The following SPAG8 variants were observed in gnomAD, a reference collection of about 807,000 sequenced individuals.
SPAG8 encodes the protein sperm associated antigen 8, also known as sperm-associated antigen 8.
In SPAG8, 36 loss-of-function variants were observed where a neutral mutation model predicts 45.3. The ratio of observed to expected loss-of-function variants is 0.80; its 90% CI spans 0.61 to 1.05. SPAG8 has a LOEUF of 1.05. Among genes scored for constraint, SPAG8 ranks in the 50% least tolerant of loss-of-function variants. The pLI is 0.00. For missense variants in SPAG8, 573 were observed against 609.2 expected, an observed-to-expected ratio of 0.94 and a Z score of 0.63; for synonymous variants, 227 against 232.6, an observed-to-expected ratio of 0.98 and a Z score of 0.22.
downstream of SPAG8, chr9:35,809,210 G>C (rs1485081591): frequency 6.2e-7 from 1 of 1,614,068 alleles, no homozygotes; most frequent in South Asian, 1.1e-5. This position sits in a 1 kb window ranked among gnomAD's most constrained non-coding sequence, Gnocchi z 4.1. Flanking sequence ...GAGCTAGGAT[G>C]CTTCCAGCTA....
Position 35,812,245 on chromosome 9 carries a change from G to T in SPAG8, c.-98C>A. ...GGCGGACTTGCAGGTGGCGGTGGAG[G>T]CAAGTCCTCTGCGGGGCGGAAGTCT... On this transcript the variant is annotated 5_prime_UTR_variant, in exon 1 of 7. Coordinates refer to ENST00000396638, the MANE Select transcript of SPAG8 (RefSeq NM_001039592.2). 7.3e-7 allele frequency: 1 copy of T among 1,378,420 alleles called. No individual in the cohort carries two copies. The highest frequency in any genetic ancestry group is 1.0e-6 in the Non-Finnish European group (1 of 996,124). The allele number at this position is 1,378,420 out of a possible 1,614,324, so 85.4% of individuals were successfully genotyped here. A position where few individuals can be genotyped will look rare whatever the true frequency, so the allele number is the denominator to read the frequency against.
At chr9:35,809,793 A>G, downstream of SPAG8, 1 of 1,556,528 alleles carries the variant, frequency 6.4e-7, no homozygotes, top group Non-Finnish European at 8.6e-7. The surrounding 1 kb of genome is among the most constrained non-coding windows in gnomAD (Gnocchi z 4.1). Context: ...TGACTCACAG[A>G]ATCACTAAAT....
chr9:35,810,321 G>A lies in SPAG8; in HGVS notation c.1201-12C>T. ...CGGTAGTCGTGAGGCTGTGAGGGAG[G>A]GTACTGAGTAACTCCTGGCCTTCAG... On this transcript the variant is annotated splice_polypyrimidine_tract_variant and intron_variant, in intron 5 of 6. Transcript: ENST00000396638. The A allele has an allele frequency of 6.2e-7, 1 of 1,614,044 alleles. No homozygotes were observed. The highest frequency in any genetic ancestry group is 8.5e-7 in the Non-Finnish European group (1 of 1,179,888).
Position 35,811,035 on chromosome 9 carries a change from T to G in SPAG8, c.887A>C (p.Gln296Pro). ...AGAGCCATCCTGCATGCTTGGGACT[T>G]GATCCAGGTGGTTGGTGGCTCTCTG... ...EEERATNHLD[Q>P]VPSMQDGSES... The change falls in exon 3 of 7, where the codon CAA becomes CCA. Residue 296 changes from glutamine (Q) to proline (P), a missense_variant. By Grantham distance (76) the Gln-to-Pro change is moderately conservative (BLOSUM62 -1). Coordinates refer to ENST00000396638, the MANE Select transcript of SPAG8 (RefSeq NM_001039592.2). 1.2e-6 allele frequency: 2 copies of G among 1,613,798 alleles called. No homozygotes were observed. The highest frequency in any genetic ancestry group is 2.2e-5 in the South Asian group (2 of 91,064).
Position 35,809,827 on chromosome 9 carries a change from AC to A in SPAG8, c.*110del. The A allele has an allele frequency of 6.5e-7, 1 of 1,540,030 alleles. No homozygotes were observed. Among genetic ancestry groups the A allele is most frequent in the South Asian group, 1.3e-5 (1 of 78,538 alleles). ...ATTAGCAGTCTTGGGATGAGAGAGA[AC>A]CCTTTATGTAAAGCCTCTTCAAGTA... On this transcript the variant is annotated 3_prime_UTR_variant, in exon 7 of 7. Transcript: ENST00000396638. The surrounding 1 kb of genome is among the most constrained non-coding windows in gnomAD (Gnocchi z 4.1).
chr9:35,809,268 G>A, downstream of SPAG8: 1 of 1,611,826 alleles, frequency 6.2e-7, no homozygotes. This position sits in a 1 kb window ranked among gnomAD's most constrained non-coding sequence, Gnocchi z 4.1. Flanking sequence ...GCCATGGGGA[G>A]GGGGGCATGG....
rs760022962 is a variant in SPAG8 at position 35,809,954 on chromosome 9, C to T, written c.1442G>A (p.Arg481Lys). Reference sequence around the variant, plus strand: ...CCTCACCCCTCAGAAAGGAGTCATTCTCCCCCCTCCACCACCCAGCCTTCC... The same window carrying T: ...CCTCACCCCTCAGAAAGGAGTCATTTTCCCCCCTCCACCACCCAGCCTTCC... ...PGGRLGGGGGRMTPF is the reference protein window; with the variant it reads ...PGGRLGGGGGKMTPF The change falls in exon 7 of 7, where the codon AGA becomes AAA. Residue 481 changes from arginine to lysine, a missense_variant. Coordinates refer to ENST00000396638, the MANE Select transcript of SPAG8 (RefSeq NM_001039592.2). The surrounding 1 kb of genome is among the most constrained non-coding windows in gnomAD (Gnocchi z 4.1). 2 of 1,580,808 alleles carry T rather than the reference C, an allele frequency of 1.3e-6. No homozygotes were observed. The highest frequency in any genetic ancestry group is 1.4e-5 in the African/African-American group (1 of 73,928).
downstream of SPAG8, chr9:35,808,860 C>G (rs1828579938): frequency 1.3e-6 from 2 of 1,510,228 alleles, no homozygotes; most frequent in Non-Finnish European, 1.8e-6. This position sits in a 1 kb window ranked among gnomAD's most constrained non-coding sequence, Gnocchi z 4.0. Flanking sequence ...CAAGGTAAGA[C>G]ATTAGCCCTC....
At chr9:35,808,007 A>T (rs1828502055), downstream of SPAG8, 1 of 622,120 alleles carries the variant, frequency 1.6e-6, no homozygotes, top group Non-Finnish European at 2.9e-6. This position sits in a 1 kb window ranked among gnomAD's most constrained non-coding sequence, Gnocchi z 4.0. Flanking sequence ...TTTATCCCTA[A>T]ATACTTAGTG....
chr9:35,810,349 C>T (rs367765733), intron 5 of SPAG8, 40 bp from the exon 6 acceptor site: 291 of 1,612,916 alleles, frequency 1.8e-4, no homozygotes, highest in Non-Finnish European at 2.2e-4. Flanking sequence ...GCCTTCAGCC[C>T]TCTCTCTCAA....
downstream of SPAG8, chr9:35,809,384 A>G: frequency 6.2e-7 from 1 of 1,614,176 alleles, no homozygotes; most frequent in East Asian, 2.2e-5. This position sits in a 1 kb window ranked among gnomAD's most constrained non-coding sequence, Gnocchi z 4.1. Flanking sequence ...TTCCAGGGAA[A>G]AGGAAAGATG....
At chr9:35,809,348 C>A, downstream of SPAG8, 10 of 1,613,210 alleles carry the variant, frequency 6.2e-6, no homozygotes, top group Non-Finnish European at 8.5e-6. The surrounding 1 kb of genome is among the most constrained non-coding windows in gnomAD (Gnocchi z 4.1). Flanking sequence ...AACATCGAAG[C>A]ATCTGAATCA....
chr9:35,810,698 G>A lies in SPAG8; in HGVS notation c.1040-16C>T, dbSNP rs77126164. On this transcript the variant is annotated splice_polypyrimidine_tract_variant and intron_variant, in intron 3 of 6. Transcript: ENST00000396638. ...TCACGCTTCCCTGTGAGAGAGTTGG[G>A]GGGTGGGCAAGGTGGGGTCTGGTTA... 2.2e-3 allele frequency: 3,482 copies of A among 1,614,072 alleles called. 63 individuals are homozygous for A. The African/African-American group carries it at 0.04, about 19-fold the overall frequency.
chr9:35,809,875 C>T lies in SPAG8; in HGVS notation c.*63G>A, dbSNP rs1451304457. The T allele has an allele frequency of 1.9e-5, 29 of 1,535,514 alleles. No homozygotes were observed. Among genetic ancestry groups the T allele is most frequent in the East Asian group, 6.7e-5 (3 of 44,464 alleles). On this transcript the variant is annotated 3_prime_UTR_variant, in exon 7 of 7. Transcript: ENST00000396638. This position sits in a 1 kb window ranked among gnomAD's most constrained non-coding sequence, Gnocchi z 4.1. ...AGTACAGTGAGAATTAACTTCCTCC[C>T]GACCTCTCTAGTGCAGACAGAAATA...
At chr9:35,810,211 C>G (rs1385826967) in intron 6 of SPAG8, 36 bp downstream of exon 6, 1 of 1,612,304 alleles carries the variant, frequency 6.2e-7, no homozygotes, top group East Asian at 2.2e-5. Flanking sequence ...CTTTCCTGCC[C>G]CGCTCTGCCC....
At chr9:35,809,174 C>T, downstream of SPAG8, 1 of 1,613,992 alleles carries the variant, frequency 6.2e-7, no homozygotes, top group Non-Finnish European at 8.5e-7. This position sits in a 1 kb window ranked among gnomAD's most constrained non-coding sequence, Gnocchi z 4.1. Flanking sequence ...ATCCATGTCT[C>T]CTCTACCACC....
Position 35,811,439 on chromosome 9 carries a change from T to C in SPAG8, c.607A>G (p.Thr203Ala). Residue 203 changes from threonine to alanine, a missense_variant, in exon 2 of 7, where the codon ACT (threonine) becomes GCT (alanine). Coordinates refer to ENST00000396638, the MANE Select transcript of SPAG8 (RefSeq NM_001039592.2). The stretch of plus-strand genomic sequence containing the variant: ...GGGCTGAGCTCAGAGTCAGGGCCAG[T>C]GTCTGGACCAGGCCCAGAGGCAGGA... The part of the protein sequence containing the change: ...PGPASGPGPD[T>A]GPDSELSPCI... 6.2e-7 allele frequency: 1 copy of C among 1,614,030 alleles called. No individual in the cohort carries two copies. The highest frequency in any genetic ancestry group is 1.7e-5 in the Admixed American group (1 of 60,022).
Position 35,811,431 on chromosome 9 carries a change from A to C in SPAG8, c.615T>G (p.Pro205=). The part of the protein sequence containing the change: ...PASGPGPDTG[P]DSELSPCIPP... ...GAATACAGGGGCTGAGCTCAGAGTC[A>C]GGGCCAGTGTCTGGACCAGGCCCAG... Residue 205 remains proline, a synonymous_variant, in exon 2 of 7, where the codon CCT becomes CCG. Transcript: ENST00000396638. 6.2e-7 allele frequency: 1 copy of C among 1,614,174 alleles called. No individual in the cohort carries two copies. The highest frequency in any genetic ancestry group is 8.5e-7 in the Non-Finnish European group (1 of 1,180,030).
In SPAG8 at chr9:35,809,966, C is replaced by G; in HGVS notation, c.1430G>C (p.Gly477Ala). Residue 477 changes from glycine to alanine, a missense_variant, in exon 7 of 7, where the codon GGT (glycine) becomes GCT (alanine). Gly to Ala is a moderately conservative substitution (Grantham distance 60, BLOSUM62 0). Coordinates refer to ENST00000396638, the MANE Select transcript of SPAG8 (RefSeq NM_001039592.2). This position sits in a 1 kb window ranked among gnomAD's most constrained non-coding sequence, Gnocchi z 4.1. ...GAAAGGAGTCATTCTCCCCCCTCCA[C>G]CACCCAGCCTTCCTCCGGGACAGGG... The part of the protein sequence containing the change: ...SLPCPGGRLG[G>A]GGGRMTPF 6.3e-7 allele frequency: 1 copy of G among 1,591,328 alleles called. No individual in the cohort carries two copies. The highest frequency in any genetic ancestry group is 8.6e-7 in the Non-Finnish European group (1 of 1,169,412).
Sources: allele counts gnomAD v4.1 joint callset, GRCh38; gene constraint gnomAD v4.1.1; non-coding constraint Gnocchi (gnomAD v3.1); transcripts MANE v1.5; gene names NCBI Gene and HGNC (gene_info 2026-07-23, HGNC 2026-07-21).